The following CCDC66 variants were observed in gnomAD, a reference collection of about 807,000 sequenced individuals.
The protein encoded by CCDC66 is coiled-coil domain containing 66.
Under a neutral mutation model 128.3 loss-of-function variants are expected in CCDC66, and 133 were observed. The ratio of observed to expected loss-of-function variants is 1.04; its 90% CI spans 0.90 to 1.20. The LOEUF (loss-of-function observed/expected upper bound fraction) is 1.20, where lower values mean the gene tolerates loss of function less well. Ranked by LOEUF, CCDC66 falls within the 50% of genes most tolerant of loss-of-function variation. The pLI, the probability that CCDC66 is intolerant of heterozygous loss-of-function variation, is 0.00. For synonymous variants in CCDC66, 387 were observed against 357.0 expected (o/e 1.08, Z -0.95); for missense variants, 1,126 against 1,075.5 (o/e 1.05, Z -0.66).
intron 4 of CCDC66, 77 bp downstream of exon 4, chr3:56,564,202 A>G (rs1488380369): frequency 2.8e-6 from 3 of 1,086,622 alleles, no homozygotes; most frequent in Admixed American, 2.5e-5. Flanking sequence ...ATTGGGTTTT[A>G]TGTAACTGTG....
At chr3:56,559,445 T>A (rs529262690) in intron 2 of CCDC66, 124 bp from the exon 3 acceptor site, 16 of 617,742 alleles carry the variant, frequency 2.6e-5, no homozygotes, top group Non-Finnish European at 4.4e-5. Context: ...GATCTAAAGT[T>A]TATGCTTTCG....
intron 7 of CCDC66, among the ~76,000 whole-genome samples, chr3:56,575,048 G>C (rs2067171202): frequency 6.6e-6 from 1 of 151,752 alleles, no homozygotes; most frequent in African/African-American, 2.4e-5. Context: ...ATTCTTTTGG[G>C]TGTGTACTCA....
At chr3:56,598,775 T>C (rs912423518) in intron 10 of CCDC66, among the ~76,000 whole-genome samples, 1 of 152,070 alleles carries the variant, frequency 6.6e-6, no homozygotes, top group African/African-American at 2.4e-5. Context: ...CACTTAATTA[T>C]TGGGTATTAG....
intron 10 of CCDC66, among the ~76,000 whole-genome samples, chr3:56,599,784 T>G (rs1413658687): frequency 2.0e-5 from 3 of 152,104 alleles, no homozygotes. Context: ...TGTTAAGATT[T>G]GTTTTGTGTC....
At chr3:56,617,824 C>T (rs1256749769) in intron 14 of CCDC66, 2 of 594,934 alleles carry the variant, frequency 3.4e-6, no homozygotes, top group South Asian at 2.3e-5. Context: ...TGGCTGACTT[C>T]ACACACCAGA....
At chr3:56,563,473 T>A (rs148628150) in intron 3 of CCDC66, 114 of 527,888 alleles carry the variant, frequency 2.2e-4, no homozygotes, top group African/African-American at 1.9e-3. Flanking sequence ...GGAGATGTCC[T>A]ATAACAACTA....
chr3:56,571,494 G>A (rs1232870416), intron 7 of CCDC66, 192 bp downstream of exon 7: 1 of 384,776 alleles, frequency 2.6e-6, no homozygotes, highest in East Asian at 7.2e-5. Context: ...CGATTCTCCT[G>A]CCTCAGCCTC....
intron 10 of CCDC66, among the ~76,000 whole-genome samples, chr3:56,606,091 C>G (rs2074031366): frequency 6.6e-6 from 1 of 152,088 alleles, no homozygotes; most frequent in South Asian, 2.1e-4. Context: ...ACCACCTACT[C>G]AAGCCTCAGC....
rs2065885181 is a variant in CCDC66 at position 56,566,535 on chromosome 3, C to G, written c.545-59C>G. 102 of 1,129,278 alleles carry G rather than the reference C, an allele frequency of 9.0e-5. 1 individual carries two copies. In the South Asian group the frequency reaches 1.4e-3, roughly 16 times the overall value. The allele number at this position is 1,129,278 out of a possible 1,614,324, so 70.0% of individuals were successfully genotyped here. On this transcript the variant is annotated intron_variant, in intron 4 of 17. Coordinates refer to ENST00000394672, the MANE Select transcript of CCDC66 (RefSeq NM_001141947.3). ...ATGTAAGAACTGTATAGCACTATGC[C>G]AAGTATTATAACAGATGTAATTTAG...
intron 7 of CCDC66, among the ~76,000 whole-genome samples, chr3:56,573,766 T>C (rs757947832): frequency 7.4e-5 from 11 of 149,404 alleles, no homozygotes; most frequent in Non-Finnish European, 1.2e-4. Flanking sequence ...AGGTATAATG[T>C]GGTGTGTCTG....
Position 56,621,633 on chromosome 3 carries a change from A to T in CCDC66, c.*15A>T, listed in dbSNP as rs781231762. 1.2e-5 allele frequency: 18 copies of T among 1,547,102 alleles called. No individual in the cohort carries two copies. The highest frequency in any genetic ancestry group is 8.2e-5 in the African/African-American group (6 of 72,952). ...CTTCATTTTAAATGTAGAAAATCAA[A>T]TCCTTCACATTTGATTTGTGTCTTC... On this transcript the variant is annotated 3_prime_UTR_variant, in exon 18 of 18. Transcript: ENST00000394672.
At chr3:56,585,372 C>G (rs981137803) in intron 7 of CCDC66, among the ~76,000 whole-genome samples, 2 of 151,650 alleles carry the variant, frequency 1.3e-5, no homozygotes, top group Admixed American at 6.6e-5. Context: ...GCTGTGGGAA[C>G]ACTCCCAGAA....
At chr3:56,605,130 A>G (rs2073883399) in intron 10 of CCDC66, among the ~76,000 whole-genome samples, 1 of 151,942 alleles carries the variant, frequency 6.6e-6, no homozygotes, top group Non-Finnish European at 1.5e-5. Context: ...CAGGTCATTT[A>G]TGTTCTTCTC....
At chr3:56,615,848 T>G in intron 12 of CCDC66, 74 bp from the exon 13 acceptor site, 1 of 1,279,240 alleles carries the variant, frequency 7.8e-7, no homozygotes, top group Non-Finnish European at 1.1e-6. Flanking sequence ...AATTATTGTA[T>G]TTAGTTGCTG....
chr3:56,593,294 C>G (rs2071266361), intron 8 of CCDC66, among the ~76,000 whole-genome samples, 193 bp downstream of exon 8: 1 of 152,084 alleles, frequency 6.6e-6, no homozygotes, highest in Non-Finnish European at 1.5e-5. Flanking sequence ...TAGAAATTTC[C>G]TAATTCTTTG....
At chr3:56,608,486 T>A (rs942716181) in intron 10 of CCDC66, among the ~76,000 whole-genome samples, 13 of 152,324 alleles carry the variant, frequency 8.5e-5, no homozygotes, top group Non-Finnish European at 1.9e-4. Context: ...CTGTTTTGTT[T>A]CTTAGTGAGG....
At chr3:56,618,563 T>C (rs950263820) in intron 15 of CCDC66, 3 of 219,562 alleles carry the variant, frequency 1.4e-5, no homozygotes, top group Non-Finnish European at 2.7e-5. Flanking sequence ...ATAAGGACAA[T>C]GAGAAATTCA....
In CCDC66 at chr3:56,572,456, T is replaced by C. The variant is rs1439095450; in HGVS notation, c.936+1154T>C. 5.4e-6 allele frequency: 6 copies of C among 1,104,614 alleles called. No individual in the cohort carries two copies. In the East Asian group the frequency reaches 3.7e-4, roughly 67 times the overall value. The allele number at this position is 1,104,614 out of a possible 1,614,324, so 68.4% of individuals were successfully genotyped here. A position where few individuals can be genotyped will look rare whatever the true frequency, so the allele number is the denominator to read the frequency against. ...AAGTCCTAAGTGTCAGTACTTTGGATATTTAAACCTTTTAGTATTTGACCT... is the reference window on the plus strand; with the variant it reads ...AAGTCCTAAGTGTCAGTACTTTGGACATTTAAACCTTTTAGTATTTGACCT... On this transcript the variant is annotated intron_variant, in intron 7 of 17. Transcript: ENST00000394672.
At position 56,619,805 on chromosome 3, in the gene CCDC66, T is replaced by G; in HGVS notation, c.2664T>G (p.Asp888Glu). ...QDCGQKRQLFDSDCVRDPLLN... is the reference protein window; with the variant it reads ...QDCGQKRQLFESDCVRDPLLN... ...GTGGCCAAAAACGACAGCTATTTGATTCTGACTGTGTCAGGGATCCACTTC... is the reference window on the plus strand; with the variant it reads ...GTGGCCAAAAACGACAGCTATTTGAGTCTGACTGTGTCAGGGATCCACTTC... The change falls in exon 17 of 18, where the codon GAT becomes GAG. Residue 888 changes from aspartate to glutamate, a missense_variant. Physicochemically the swap from Asp to Glu is conservative, Grantham distance 45. Coordinates refer to ENST00000394672, the MANE Select transcript of CCDC66 (RefSeq NM_001141947.3). 6.2e-7 allele frequency: 1 copy of G among 1,614,148 alleles called. No individual in the cohort carries two copies. The highest frequency in any genetic ancestry group is 8.5e-7 in the Non-Finnish European group (1 of 1,179,998).
Sources: allele counts gnomAD v4.1 joint callset (sites outside exome capture counted in the v4.1 genomes callset), GRCh38; gene constraint gnomAD v4.1.1; transcripts MANE v1.5; gene names NCBI Gene and HGNC (gene_info 2026-07-23, HGNC 2026-07-21).